The following PCDHGA6 variants were observed in gnomAD, a reference collection of about 807,000 sequenced individuals.
The protein encoded by PCDHGA6 is protocadherin gamma-A6.
PCDHGA6 carries 41 observed loss-of-function variants against 60.6 expected under a neutral mutation model. That is an observed-to-expected ratio of 0.68 (90% confidence interval 0.53 to 0.88). The LOEUF is 0.88. PCDHGA6 is among the 40% of genes least tolerant of loss of function. The pLI is 0.00. For missense variants in PCDHGA6, 1,312 were observed against 1,203.0 expected, an observed-to-expected ratio of 1.09 and a Z score of -1.34; for synonymous variants, 594 against 524.4, an observed-to-expected ratio of 1.13 and a Z score of -1.81.
intron 1 of PCDHGA6, among the ~76,000 whole-genome samples, chr5:141,433,789 A>G (rs1388423731): frequency 6.7e-6 from 1 of 148,972 alleles, no homozygotes; most frequent in Non-Finnish European, 1.5e-5. Flanking sequence ...ATGAGCTGAG[A>G]TTGTGCCATT....
rs1375469711 is a variant in PCDHGA6, at chr5:141,512,102, C to A, written c.*929C>A. On this transcript the variant is annotated 3_prime_UTR_variant, in exon 4 of 4. Coordinates refer to ENST00000517434, the MANE Select transcript of PCDHGA6 (RefSeq NM_018919.3). ...GCCATAAACCAATAACTAGGCTGGA[C>A]CCTTCCCACTACATAATAGGGCTCA... The A allele has an allele frequency of 6.5e-6, 1 of 152,688 alleles. No individual in the cohort carries two copies. Among genetic ancestry groups the A allele is most frequent in the Non-Finnish European group, 1.5e-5 (1 of 68,070 alleles). The allele number at this position is 152,688 out of a possible 1,614,324, so 9.5% of individuals were successfully genotyped here. A position where few individuals can be genotyped will look rare whatever the true frequency, so the allele number is the denominator to read the frequency against.
chr5:141,446,173 G>A (rs2098491860), intron 1 of PCDHGA6, among the ~76,000 whole-genome samples: 1 of 152,076 alleles, frequency 6.6e-6, no homozygotes, highest in East Asian at 1.9e-4. Context: ...TGAGGGCAGG[G>A]GGTGTTTTGT....
At chr5:141,423,147 G>A (rs545052756) in intron 1 of PCDHGA6, 4 of 1,613,578 alleles carry the variant, frequency 2.5e-6, no homozygotes, top group African/African-American at 2.7e-5. Context: ...ACGCGCTCAA[G>A]CAGAGCCTCG....
At chr5:141,422,020 G>A (rs374562798) in intron 1 of PCDHGA6, 2 of 1,610,932 alleles carry the variant, frequency 1.2e-6, no homozygotes, top group Non-Finnish European at 1.7e-6. Flanking sequence ...GGTGCTGATG[G>A]TTAATGCAAC....
chr5:141,459,284 A>C (rs2098965103), intron 1 of PCDHGA6, among the ~76,000 whole-genome samples: 1 of 152,174 alleles, frequency 6.6e-6, no homozygotes, highest in African/African-American at 2.4e-5. Flanking sequence ...ATTTCATCTA[A>C]ATGGAATCCT....
chr5:141,379,963 G>A (rs1181673658), intron 1 of PCDHGA6, among the ~76,000 whole-genome samples: 1 of 124,340 alleles, frequency 8.0e-6, no homozygotes, highest in African/African-American at 3.0e-5. Context: ...GCAGTGGTGT[G>A]ATCTCTGCTC....
chr5:141,415,552 G>T (rs1244457142), intron 1 of PCDHGA6: 3 of 1,613,980 alleles, frequency 1.9e-6, no homozygotes, highest in African/African-American at 2.7e-5. Flanking sequence ...TGAGAAAAAC[G>T]ATCCTTTGTC....
intron 1 of PCDHGA6, chr5:141,422,266 G>A (rs1393466157): frequency 6.4e-7 from 1 of 1,563,654 alleles, no homozygotes; most frequent in Non-Finnish European, 8.6e-7. Context: ...TAACGCTCCA[G>A]AAATAACTAT....
In PCDHGA6 at chr5:141,432,929, C is replaced by T. The variant is rs759937939; in HGVS notation, c.2424+56422C>T. On this transcript the variant is annotated intron_variant, in intron 1 of 3. Coordinates refer to ENST00000517434, the MANE Select transcript of PCDHGA6 (RefSeq NM_018919.3). This position sits in a 1 kb window ranked among gnomAD's most constrained non-coding sequence, Gnocchi z 6.0. ...GCTGCGGCGCTGGCACAAGTCACGCCTGCTGCAGGCTTCAGGAGGCGGCTT... is the reference window on the plus strand; with the variant it reads ...GCTGCGGCGCTGGCACAAGTCACGCTTGCTGCAGGCTTCAGGAGGCGGCTT... The T allele has an allele frequency of 6.2e-7, 1 of 1,614,078 alleles. No individual in the cohort carries two copies. Among genetic ancestry groups the T allele is most frequent in the African/African-American group, 1.3e-5 (1 of 74,948 alleles).
At chr5:141,454,850 C>T (rs1208208678) in intron 1 of PCDHGA6, among the ~76,000 whole-genome samples, 3 of 132,848 alleles carry the variant, frequency 2.3e-5, no homozygotes, top group Non-Finnish European at 4.6e-5. Flanking sequence ...CTCTGTCACC[C>T]AGGCTGGAGT....
chr5:141,383,514 G>A (rs778204328), intron 1 of PCDHGA6: 2 of 1,612,718 alleles, frequency 1.2e-6, no homozygotes, highest in South Asian at 2.2e-5. Context: ...GGGAGGAAGA[G>A]CGGGTTCACC....
Position 141,477,588 on chromosome 5 carries a change from G to T in PCDHGA6, c.2425-17219G>T. 1 of 1,614,152 alleles carries T rather than the reference G, an allele frequency of 6.2e-7. No individual in the cohort carries two copies. The highest frequency in any genetic ancestry group is 8.5e-7 in the Non-Finnish European group (1 of 1,180,040). ...GACCCCGACGCCCCGCAGAATGCTCGGCTTTCTTTCTTTCTCTTGGAGCAA... is the reference window on the plus strand; with the variant it reads ...GACCCCGACGCCCCGCAGAATGCTCTGCTTTCTTTCTTTCTCTTGGAGCAA... On this transcript the variant is annotated intron_variant, in intron 1 of 3. Coordinates refer to ENST00000517434, the MANE Select transcript of PCDHGA6 (RefSeq NM_018919.3). This position sits in a 1 kb window ranked among gnomAD's most constrained non-coding sequence, Gnocchi z 4.9.
In PCDHGA6 at chr5:141,489,744, C is replaced by T. The variant is rs185263705; in HGVS notation, c.2425-5063C>T. The T allele has an allele frequency of 1.1e-5, 18 of 1,614,144 alleles. No homozygotes were observed. In the Admixed American group the frequency reaches 2.8e-4, roughly 25 times the overall value. Reference sequence around the variant, plus strand: ...CGGATGTGGGCACCAATACTGTGAGCTTTTACACTCTAAGCCCCAACAGCC... The same window carrying T: ...CGGATGTGGGCACCAATACTGTGAGTTTTTACACTCTAAGCCCCAACAGCC... On this transcript the variant is annotated intron_variant, in intron 1 of 3. Transcript: ENST00000517434. This position sits in a 1 kb window ranked among gnomAD's most constrained non-coding sequence, Gnocchi z 4.5.
At chr5:141,399,291 T>A in intron 1 of PCDHGA6, 1 of 1,613,954 alleles carries the variant, frequency 6.2e-7, no homozygotes, top group East Asian at 2.2e-5. Context: ...AAGTCCCTTT[T>A]AAGATTATCT....
At chr5:141,383,161 G>T (rs774337554) in intron 1 of PCDHGA6, 1 of 1,614,052 alleles carries the variant, frequency 6.2e-7, no homozygotes, top group East Asian at 2.2e-5. Flanking sequence ...GGTCACTGCG[G>T]GCAGGATAGA....
chr5:141,505,614 A>G (rs2154593732), intron 3 of PCDHGA6, 133 bp downstream of exon 3: 1 of 1,510,758 alleles, frequency 6.6e-7, no homozygotes, highest in Non-Finnish European at 8.9e-7. Context: ...GTCTGAAAGG[A>G]CCCACAATTC....
chr5:141,452,848 G>A (rs1425590240), intron 1 of PCDHGA6, among the ~76,000 whole-genome samples: 9 of 152,128 alleles, frequency 5.9e-5, no homozygotes, highest in Non-Finnish European at 1.0e-4. Flanking sequence ...CCCACACTCT[G>A]GGGAGATGAT....
chr5:141,491,080 A>T lies in PCDHGA6; in HGVS notation c.2425-3727A>T. On this transcript the variant is annotated intron_variant, in intron 1 of 3. Transcript: ENST00000517434. This position sits in a 1 kb window ranked among gnomAD's most constrained non-coding sequence, Gnocchi z 6.9. ...CTCCTACTCACTGTTGCCACAGTCC[A>T]CAGCCCCAGGACTGTTCCTCGTGTC... The T allele has an allele frequency of 6.2e-7, 1 of 1,614,116 alleles. No individual in the cohort carries two copies. Among genetic ancestry groups the T allele is most frequent in the Non-Finnish European group, 8.5e-7 (1 of 1,179,994 alleles).
chr5:141,385,209 C>G (rs375927473), intron 1 of PCDHGA6: 95 of 1,614,118 alleles, frequency 5.9e-5, no homozygotes, highest in Non-Finnish European at 7.8e-5. Context: ...ACCTGATCTT[C>G]CCCCAGCCCA....
Sources: gnomAD v4.1 joint callset for allele counts (sites outside exome capture counted in the v4.1 genomes callset) on GRCh38, gnomAD v4.1.1 for gene constraint, Gnocchi (gnomAD v3.1) non-coding constraint, MANE v1.5 for transcripts, NCBI Gene and HGNC (gene_info 2026-07-23, HGNC 2026-07-21) for gene names.